Variants in TMEM170B observed in about 807,000 individuals in gnomAD.
TMEM170B encodes transmembrane protein 170B.
A neutral mutation model predicts 13.0 loss-of-function variants in TMEM170B; 6 were observed. That is an observed-to-expected ratio of 0.46 (90% CI 0.25 to 0.91). TMEM170B has a LOEUF of 0.91. TMEM170B is among the 40% of genes least tolerant of loss of function. The pLI, the probability that TMEM170B is intolerant of heterozygous loss-of-function variation, is 0.17. For missense variants in TMEM170B, 138 were observed against 165.2 expected (o/e 0.84, Z 0.90); for synonymous variants, 61 against 64.9 (o/e 0.94, Z 0.29).
chr6:11,578,836 A>C lies in TMEM170B; in HGVS notation c.*3275A>C, dbSNP rs915053368. On this transcript the variant is annotated 3_prime_UTR_variant, in exon 3 of 3. Coordinates refer to ENST00000379426, the MANE Select transcript of TMEM170B (RefSeq NM_001100829.3). The stretch of plus-strand genomic sequence containing the variant: ...TATTTGTGATATGAGCAACGGGATA[A>C]TTTGAAATCACAGAATGTTGTGGGA... 2.6e-5 allele frequency: 4 copies of C among 152,204 alleles called. No homozygotes were observed. Among genetic ancestry groups the C allele is most frequent in the African/African-American group, 9.6e-5 (4 of 41,462 alleles). 9.4% of individuals were successfully genotyped at this position (152,204 alleles called of 1,614,324 possible).
intron 1 of TMEM170B, among the ~76,000 whole-genome samples, chr6:11,562,395 C>G (rs911317392): frequency 2.0e-5 from 3 of 150,230 alleles, no homozygotes; most frequent in Admixed American, 1.3e-4. Flanking sequence ...TCCGTAATCA[C>G]TAGCATCTAT....
intron 1 of TMEM170B, among the ~76,000 whole-genome samples, chr6:11,555,421 G>A (rs1034397580): frequency 9.9e-5 from 15 of 151,898 alleles, no homozygotes; most frequent in African/African-American, 3.4e-4. Context: ...GAAGTGGGAG[G>A]TATTTATCTT....
chr6:11,541,993 TATA>T (rs1381421110), intron 1 of TMEM170B, among the ~76,000 whole-genome samples: 1 of 143,492 alleles, frequency 7.0e-6, no homozygotes, highest in African/African-American at 2.5e-5. Context: ...CACAGATCAC[TATA>T]ATAATAAAAT....
chr6:11,564,509 A>AT (rs1165183611), intron 1 of TMEM170B, among the ~76,000 whole-genome samples: 2 of 152,252 alleles, frequency 1.3e-5, no homozygotes, highest in Non-Finnish European at 2.9e-5. Flanking sequence ...GAATGTTTGC[A>AT]TATCAAGGAT....
intron 2 of TMEM170B, among the ~76,000 whole-genome samples, chr6:11,569,265 A>G (rs984684637): frequency 6.6e-6 from 1 of 152,082 alleles, no homozygotes; most frequent in Non-Finnish European, 1.5e-5. Context: ...ACCTTCATCC[A>G]TGATATCATT....
intron 1 of TMEM170B, among the ~76,000 whole-genome samples, chr6:11,562,272 T>G (rs1296767263): frequency 6.6e-6 from 1 of 151,982 alleles, no homozygotes; most frequent in African/African-American, 2.4e-5. Flanking sequence ...GTTTTTAAAT[T>G]TTAATGTATT....
chr6:11,550,128 G>T (rs1240384006), intron 1 of TMEM170B, among the ~76,000 whole-genome samples: 1 of 151,632 alleles, frequency 6.6e-6, no homozygotes. Context: ...ACGAGCCACA[G>T]TGCCCTGCCT....
intron 1 of TMEM170B, among the ~76,000 whole-genome samples, chr6:11,561,542 C>T (rs983188289): frequency 6.6e-6 from 1 of 152,152 alleles, no homozygotes; most frequent in Admixed American, 6.5e-5. Flanking sequence ...GGGCCTTAGA[C>T]TTTAAGTCTT....
At chr6:11,540,873 A>C (rs1350651090) in intron 1 of TMEM170B, among the ~76,000 whole-genome samples, 1 of 152,258 alleles carries the variant, frequency 6.6e-6, no homozygotes, top group African/African-American at 2.4e-5. Flanking sequence ...TTGTGTTAGC[A>C]GTCATGAAAA....
chr6:11,560,139 T>C (rs996668081), intron 1 of TMEM170B, among the ~76,000 whole-genome samples: 2 of 151,714 alleles, frequency 1.3e-5, no homozygotes, highest in African/African-American at 4.8e-5. Flanking sequence ...TAGCAGAGCA[T>C]CTTCTCCTTT....
chr6:11,548,694 C>T (rs1759474283), intron 1 of TMEM170B, among the ~76,000 whole-genome samples: 1 of 152,104 alleles, frequency 6.6e-6, no homozygotes, highest in African/African-American at 2.4e-5. Context: ...CAATGATAGA[C>T]TGGATTAAGA....
At chr6:11,545,559 TACTC>T (rs201020022) in intron 1 of TMEM170B, among the ~76,000 whole-genome samples, 1,625 of 152,230 alleles carry the variant, frequency 0.011, 7 homozygotes, top group Middle Eastern at 0.027. Context: ...CGCAACACGT[TACTC>T]ACGTGTTTAT....
At chr6:11,556,781 A>G (rs757934716) in intron 1 of TMEM170B, among the ~76,000 whole-genome samples, 3 of 152,086 alleles carry the variant, frequency 2.0e-5, no homozygotes, top group Admixed American at 6.5e-5. Context: ...CTGGAGTTCT[A>G]CTAGAGCTTT....
chr6:11,562,260 G>A (rs1295189985), intron 1 of TMEM170B, among the ~76,000 whole-genome samples: 2 of 151,864 alleles, frequency 1.3e-5, no homozygotes, highest in South Asian at 4.2e-4. Context: ...GAGCAAGTTG[G>A]GGTTTTTAAA....
At position 11,575,799 on chromosome 6, in the gene TMEM170B, G is replaced by C. The variant is rs1025120157; in HGVS notation, c.*238G>C. 2.9e-6 allele frequency: 1 copy of C among 343,664 alleles called. No homozygotes were observed. The highest frequency in any genetic ancestry group is 2.1e-5 in the African/African-American group (1 of 48,014). 21.3% of individuals were successfully genotyped at this position (343,664 alleles called of 1,614,324 possible). A position where few individuals can be genotyped will look rare whatever the true frequency, so the allele number is the denominator to read the frequency against. ...AAGGTGCATTAAGACACTATGTAAA[G>C]TTACAAGAAAAAGCACCTTGTTTAG... is the stretch of plus-strand genomic sequence containing the variant. On this transcript the variant is annotated 3_prime_UTR_variant, in exon 3 of 3. Transcript: ENST00000379426. The surrounding 1 kb of genome is among the most constrained non-coding windows in gnomAD (Gnocchi z 4.1).
chr6:11,565,545 G>A, intron 1 of TMEM170B, 121 bp from the exon 2 acceptor site: 1 of 975,968 alleles, frequency 1.0e-6, no homozygotes, highest in East Asian at 2.4e-5. Flanking sequence ...GGCACTGTGT[G>A]AAGCATTTTT....
intron 1 of TMEM170B, among the ~76,000 whole-genome samples, chr6:11,548,403 G>A (rs898740705): frequency 3.3e-5 from 5 of 152,086 alleles, no homozygotes; most frequent in African/African-American, 1.2e-4. Context: ...TTAGAATGGC[G>A]ATCATTAAAA....
At chr6:11,551,613 A>G (rs1262136942) in intron 1 of TMEM170B, among the ~76,000 whole-genome samples, 1 of 152,256 alleles carries the variant, frequency 6.6e-6, no homozygotes, top group African/African-American at 2.4e-5. Flanking sequence ...TCTTGATTAT[A>G]AGTTATGTGC....
Position 11,575,526 on chromosome 6 carries a change from A to G in TMEM170B, c.364A>G (p.Ile122Val), listed in dbSNP as rs138921665. 6.2e-7 allele frequency: 1 copy of G among 1,613,318 alleles called. No homozygotes were observed. Among genetic ancestry groups the G allele is most frequent in the African/African-American group, 1.3e-5 (1 of 74,980 alleles). ...CGTTGGACAGACTGTACTGACATTAATCATCTCCTTTTCAAGGATCCTCGC... is the reference window on the plus strand; with the variant it reads ...CGTTGGACAGACTGTACTGACATTAGTCATCTCCTTTTCAAGGATCCTCGC... ...WGVGQTVLTL[I>V]ISFSRILATL The change falls in exon 3 of 3, where the codon ATC becomes GTC. Residue 122 changes from isoleucine to valine, a missense_variant. Physicochemically the swap from Ile to Val is conservative, Grantham distance 29. Coordinates refer to ENST00000379426, the MANE Select transcript of TMEM170B (RefSeq NM_001100829.3). The surrounding 1 kb of genome is among the most constrained non-coding windows in gnomAD (Gnocchi z 4.1).
Sources: allele counts gnomAD v4.1 joint callset (sites outside exome capture counted in the v4.1 genomes callset), GRCh38; gene constraint gnomAD v4.1.1; non-coding constraint Gnocchi (gnomAD v3.1); transcripts MANE v1.5; gene names NCBI Gene and HGNC (gene_info 2026-07-23, HGNC 2026-07-21).